Variants in EPM2A observed in about 807,000 individuals in gnomAD.
The protein encoded by EPM2A is laforin.
A neutral mutation model predicts 26.5 loss-of-function variants in EPM2A; 21 were observed. The ratio of observed to expected loss-of-function variants is 0.79; its 90% CI spans 0.56 to 1.14. The LOEUF (loss-of-function observed/expected upper bound fraction) is 1.14. Ranked by LOEUF, EPM2A falls within the 50% of genes most tolerant of loss-of-function variation. EPM2A has a pLI of 0.00. For synonymous variants in EPM2A, 217 were observed against 177.6 expected (o/e 1.22, Z -1.76); for missense variants, 458 against 440.8 (o/e 1.04, Z -0.35).
chr6:145,623,587 C>A (rs1166286415), downstream of EPM2A, among the ~76,000 whole-genome samples: 1 of 152,132 alleles, frequency 6.6e-6, no homozygotes, highest in Non-Finnish European at 1.5e-5. Flanking sequence ...TACAGGACCT[C>A]AAAGGGCTTT....
intron 4 of EPM2A, among the ~76,000 whole-genome samples, chr6:145,482,363 G>A (rs1320189034): frequency 6.6e-6 from 1 of 152,062 alleles, no homozygotes; most frequent in Non-Finnish European, 1.5e-5. Context: ...TGAATATAAT[G>A]GTCATTGTTA....
At chr6:145,716,577 C>G (rs911007526) in intron 1 of EPM2A, among the ~76,000 whole-genome samples, 2 of 152,134 alleles carry the variant, frequency 1.3e-5, no homozygotes, top group African/African-American at 4.8e-5. Flanking sequence ...AGACCCTACC[C>G]CTATCCTGGA....
intron 2 of EPM2A, among the ~76,000 whole-genome samples, chr6:145,591,941 A>G (rs1283788868): frequency 6.6e-6 from 1 of 152,062 alleles, no homozygotes; most frequent in Non-Finnish European, 1.5e-5. Flanking sequence ...TAAAATACCT[A>G]TACTACACCT....
At chr6:145,412,212 C>G (rs1439944543) in intron 4 of EPM2A, among the ~76,000 whole-genome samples, 1 of 97,404 alleles carries the variant, frequency 1.0e-5, no homozygotes, top group Non-Finnish European at 2.0e-5. Flanking sequence ...GAGACTCTGT[C>G]TCAAAAAAAA....
chr6:145,644,728 G>A (rs1347242066), intron 2 of EPM2A, among the ~76,000 whole-genome samples: 1 of 151,938 alleles, frequency 6.6e-6, no homozygotes, highest in East Asian at 1.9e-4. Context: ...GGGAAGTTTT[G>A]CTTCTTTCAT....
intron 4 of EPM2A, among the ~76,000 whole-genome samples, chr6:145,474,553 T>C (rs1779518441): frequency 6.6e-6 from 1 of 152,020 alleles, no homozygotes; most frequent in Non-Finnish European, 1.5e-5. Flanking sequence ...ATTCAGGACA[T>C]AGGCATGGGC....
At chr6:145,385,685 T>C (rs1318303774) in intron 4 of EPM2A, among the ~76,000 whole-genome samples, 3 of 152,126 alleles carry the variant, frequency 2.0e-5, no homozygotes, top group Admixed American at 6.5e-5. Context: ...ACACAGACTT[T>C]CCAGTCTTAA....
At chr6:145,572,250 T>C (rs1562387164) in intron 2 of EPM2A, among the ~76,000 whole-genome samples, 1 of 152,240 alleles carries the variant, frequency 6.6e-6, no homozygotes, top group Non-Finnish European at 1.5e-5. Context: ...CAGAACCATC[T>C]GTGAACCAGA....
At chr6:145,616,451 G>A (rs990686119) in intron 2 of EPM2A, among the ~76,000 whole-genome samples, 2 of 152,246 alleles carry the variant, frequency 1.3e-5, no homozygotes, top group South Asian at 4.1e-4. Flanking sequence ...TGCTAGGGCA[G>A]CGAGGAAGGG....
At chr6:145,553,763 A>T (rs970479254) in intron 2 of EPM2A, among the ~76,000 whole-genome samples, 2 of 150,302 alleles carry the variant, frequency 1.3e-5, no homozygotes, top group Non-Finnish European at 3.0e-5. Flanking sequence ...TCCTGGAGAC[A>T]GTCTTTTACC....
chr6:145,434,268 T>C (rs76811569), intron 4 of EPM2A, among the ~76,000 whole-genome samples: 2 of 146,760 alleles, frequency 1.4e-5, no homozygotes, highest in African/African-American at 5.0e-5. Flanking sequence ...CTCTCTCTCT[T>C]TTTTTTTTTT....
chr6:145,713,325 C>G (rs1215877006), intron 1 of EPM2A, among the ~76,000 whole-genome samples: 12 of 152,138 alleles, frequency 7.9e-5, no homozygotes, highest in Admixed American at 7.9e-4. Context: ...ATTTTAAAAA[C>G]CTGGACCCTT....
intron 1 of EPM2A, among the ~76,000 whole-genome samples, chr6:145,703,563 T>G (rs1347447852): frequency 4.6e-5 from 7 of 152,174 alleles, no homozygotes; most frequent in Admixed American, 4.6e-4. Flanking sequence ...GCAATTACTC[T>G]CTTATACAGA....
At chr6:145,619,660 G>A (rs936788068) in intron 2 of EPM2A, among the ~76,000 whole-genome samples, 3 of 151,948 alleles carry the variant, frequency 2.0e-5, no homozygotes, top group East Asian at 1.9e-4. Flanking sequence ...AGGTCTGTCC[G>A]GCAATGAAGA....
intron 4 of EPM2A, among the ~76,000 whole-genome samples, chr6:145,417,004 G>T (rs1035640090): frequency 6.6e-6 from 1 of 152,146 alleles, no homozygotes; most frequent in African/African-American, 2.4e-5. Context: ...TTGAGGAATT[G>T]AATCTCTTCC....
At chr6:145,397,558 G>T (rs2114663535) in intron 4 of EPM2A, among the ~76,000 whole-genome samples, 1 of 152,290 alleles carries the variant, frequency 6.6e-6, no homozygotes, top group Non-Finnish European at 1.5e-5. Flanking sequence ...ATTGCCAGAA[G>T]CTCTTCAAAG....
intron 2 of EPM2A, among the ~76,000 whole-genome samples, chr6:145,645,328 G>C (rs1777379777): frequency 6.6e-6 from 1 of 152,072 alleles, no homozygotes. Flanking sequence ...GTTGTTATGA[G>C]ACAGGGGTCC....
At chr6:145,496,728 A>ATGTTTTTTTGTTTTTTTTTTTTT (rs779194973), downstream of EPM2A, among the ~76,000 whole-genome samples, 53 of 106,896 alleles carry the variant, frequency 5.0e-4, no homozygotes, top group South Asian at 2.2e-3. Context: ...AGTTCCTGCA[A>ATGTTTTTTTGTTTTTTTTTTTTT]TTTTTTTTTT....
At chr6:145,386,999 T>C (rs1778271566) in intron 4 of EPM2A, among the ~76,000 whole-genome samples, 1 of 152,132 alleles carries the variant, frequency 6.6e-6, no homozygotes, top group Non-Finnish European at 1.5e-5. Context: ...GGACTAGAAG[T>C]GGCAATGGAA....
Sources: gnomAD v4.1 joint callset for allele counts (sites outside exome capture counted in the v4.1 genomes callset) on GRCh38, gnomAD v4.1.1 for gene constraint, MANE v1.5 for transcripts, NCBI Gene and HGNC (gene_info 2026-07-23, HGNC 2026-07-21) for gene names.